Variants in ZNF821 observed in about 807,000 individuals in gnomAD.
The protein encoded by ZNF821 is zinc finger protein 821.
In ZNF821, 16 loss-of-function variants were observed where a neutral mutation model predicts 44.3. The ratio of observed to expected loss-of-function variants is 0.36; its 90% CI spans 0.24 to 0.55. ZNF821 has a LOEUF of 0.55. Among genes scored for constraint, ZNF821 ranks in the 20% least tolerant of loss-of-function variants. ZNF821 has a pLI of 0.86. For synonymous variants in ZNF821, 204 were observed against 197.6 expected, an observed-to-expected ratio of 1.03 and a Z score of -0.27; for missense variants, 436 against 547.6, an observed-to-expected ratio of 0.80 and a Z score of 2.03.
chr16:71,871,550 T>G (rs1266166042), intron 3 of ZNF821, among the ~76,000 whole-genome samples: 1 of 152,246 alleles, frequency 6.6e-6, no homozygotes, highest in African/African-American at 2.4e-5. Context: ...TAATGTGATC[T>G]ATGGAGATAC....
At chr16:71,884,297 G>A (rs1158255470), upstream of ZNF821, 5 of 152,038 alleles carry the variant, frequency 3.3e-5, no homozygotes, top group African/African-American at 1.2e-4. Flanking sequence ...CCTGAGGAGA[G>A]GGGCTCTGGA....
chr16:71,862,338 G>T (rs8045275), intron 6 of ZNF821, among the ~76,000 whole-genome samples: 1 of 152,140 alleles, frequency 6.6e-6, no homozygotes, highest in Admixed American at 6.5e-5. Context: ...AGCCTGGTGT[G>T]GGGGCAGGTG....
intron 3 of ZNF821, among the ~76,000 whole-genome samples, chr16:71,868,566 G>A (rs2034814545): frequency 6.6e-6 from 1 of 152,120 alleles, no homozygotes; most frequent in South Asian, 2.1e-4. Context: ...ACGTACCCTG[G>A]AAGTTCTTCC....
At position 71,860,516 on chromosome 16, in the gene ZNF821, C is replaced by G. The variant is rs1412949381; in HGVS notation, c.741G>C (p.Leu247=). ...GTACACTGGGAGTCTGGGCTTCCAGCAGTTTACGGTAGGCAGCACAGTTGT... is the reference window on the plus strand; with the variant it reads ...GTACACTGGGAGTCTGGGCTTCCAGGAGTTTACGGTAGGCAGCACAGTTGT... ...VCNNCAAYRK[L]LEAQTPSVRK... The change falls in exon 8 of 8, where the codon CTG becomes CTC. Residue 247 remains leucine, a synonymous_variant. Transcript: ENST00000425432. This position sits in a 1 kb window ranked among gnomAD's most constrained non-coding sequence, Gnocchi z 7.3. 6.2e-7 allele frequency: 1 copy of G among 1,614,172 alleles called. No individual in the cohort carries two copies.
upstream of ZNF821, among the ~76,000 whole-genome samples, chr16:71,888,985 G>A (rs921526845): frequency 3.9e-5 from 6 of 152,204 alleles, no homozygotes; most frequent in Admixed American, 1.3e-4. Flanking sequence ...CGGGCCAAGC[G>A]AGGTGGCTCA....
intron 3 of ZNF821, among the ~76,000 whole-genome samples, chr16:71,872,575 T>C (rs1442762878): frequency 1.3e-5 from 2 of 151,930 alleles, no homozygotes; most frequent in East Asian, 1.9e-4. Context: ...ATCACGCCAC[T>C]GCACTCCAGC....
chr16:71,872,439 C>T lies in ZNF821; in HGVS notation c.41-4402G>A, dbSNP rs961322636. On this transcript the variant is annotated intron_variant, in intron 3 of 7. Transcript: ENST00000425432. ...CCATCCTGGCTAACACAGTGAAACC[C>T]CGTCTCTACTAAAAATACAAAAACA... 2.0e-5 allele frequency among the ~76,000 whole-genome samples: 3 copies of T among 151,994 alleles called. No individual in the cohort carries two copies. In the East Asian group the frequency reaches 5.9e-4, roughly 30 times the overall value.
chr16:71,864,804 C>T (rs563826894), intron 5 of ZNF821, 99 bp downstream of exon 5: 4 of 1,484,596 alleles, frequency 2.7e-6, no homozygotes, highest in Non-Finnish European at 3.7e-6. Flanking sequence ...GCCCAGGAGA[C>T]CATCAGAGGC....
chr16:71,874,523 G>A (rs779410780), intron 3 of ZNF821, among the ~76,000 whole-genome samples: 12 of 151,898 alleles, frequency 7.9e-5, no homozygotes, highest in African/African-American at 2.9e-4. Flanking sequence ...GCGTGATCTC[G>A]GCTCACTGCA....
Position 71,860,665 on chromosome 16 carries a change from G to C in ZNF821, c.592C>G (p.Leu198Val). ...TSHATFNSEK[L>V]PEVLNMESLP... ...GATTCCATATTTAGTACTTCAGGAA[G>C]TTTCTCACTGGAAAGGAAACATTTT... Residue 198 changes from leucine to valine, a missense_variant, in exon 8 of 8, where the codon CTT (leucine) becomes GTT (valine). Leu to Val is a conservative substitution (Grantham distance 32). Around this residue, in one of 5 missense-constraint regions of ZNF821, gnomAD observed 238 missense variants for 281.4 expected, o/e 0.85. Transcript: ENST00000425432. The surrounding 1 kb of genome is among the most constrained non-coding windows in gnomAD (Gnocchi z 7.3). 2 of 1,611,512 alleles carry C rather than the reference G, an allele frequency of 1.2e-6. No individual in the cohort carries two copies. The highest frequency in any genetic ancestry group is 1.7e-6 in the Non-Finnish European group (2 of 1,178,574).
chr16:71,892,546 G>A (rs2036893479), intron 1 of ZNF821, among the ~76,000 whole-genome samples: 1 of 151,002 alleles, frequency 6.6e-6, no homozygotes. Context: ...GCGATTACAG[G>A]TGTGAACCAC....
At chr16:71,889,230 A>G (rs2036873577), upstream of ZNF821, among the ~76,000 whole-genome samples, 1 of 152,150 alleles carries the variant, frequency 6.6e-6, no homozygotes, top group Admixed American at 6.5e-5. Flanking sequence ...GAGTGAAACC[A>G]TGTCTTAAAA....
At chr16:71,878,977 C>T (rs2036148211) in intron 3 of ZNF821, among the ~76,000 whole-genome samples, 1 of 150,988 alleles carries the variant, frequency 6.6e-6, no homozygotes, top group African/African-American at 2.4e-5. Context: ...TTGAAAACAA[C>T]ACAAGGTAAT....
At position 71,865,493 on chromosome 16, in the gene ZNF821, C is replaced by T. The variant is rs113374468; in HGVS notation, c.167-445G>A. Among the ~76,000 whole-genome samples the T allele has an allele frequency of 4.9e-4, 74 of 152,312 alleles. 1 individual carries two copies. Among genetic ancestry groups the T allele is most frequent in the African/African-American group, 1.6e-3 (68 of 41,566 alleles). On this transcript the variant is annotated intron_variant, in intron 4 of 7. Transcript: ENST00000425432. ...CACTATACTATTCTACTCTGAACCC[C>T]ACTAATCTCTTCTTTCCCAGCAAAC...
At chr16:71,894,963 G>C (rs2036932447) in exon 1 of ZNF821, 1 of 845,868 alleles carries the variant, frequency 1.2e-6, no homozygotes, top group Admixed American at 2.2e-5. Flanking sequence ...ACAGACCGGA[G>C]CGATGCTGGT....
At chr16:71,867,866 T>G in intron 4 of ZNF821, 46 bp downstream of exon 4, 1 of 1,529,212 alleles carries the variant, frequency 6.5e-7, no homozygotes, top group Non-Finnish European at 8.8e-7. Flanking sequence ...CTCTGATAAT[T>G]CTTCTCCCAT....
In ZNF821 at chr16:71,879,948, T is replaced by A; in HGVS notation, c.-2A>T. The A allele has an allele frequency of 6.2e-7, 1 of 1,613,490 alleles. No homozygotes were observed. The highest frequency in any genetic ancestry group is 2.2e-5 in the East Asian group (1 of 44,836). On this transcript the variant is annotated 5_prime_UTR_variant, in exon 3 of 8. Coordinates refer to ENST00000425432, the MANE Select transcript of ZNF821 (RefSeq NM_001201552.2). Reference sequence around the variant, plus strand: ...ATTTGTCTGTTTCCGACGGGACATGTTTCCCTGATGCAAGAGCTCTGGTCT... The same window carrying A: ...ATTTGTCTGTTTCCGACGGGACATGATTCCCTGATGCAAGAGCTCTGGTCT...
intron 6 of ZNF821, among the ~76,000 whole-genome samples, chr16:71,863,418 T>TA (rs2034151686): frequency 6.9e-6 from 1 of 144,746 alleles, no homozygotes; most frequent in South Asian, 2.6e-4. Flanking sequence ...TTTTTTTTTT[T>TA]TTTAATACAG....
At chr16:71,863,105 AG>A (rs2034103378) in intron 6 of ZNF821, among the ~76,000 whole-genome samples, 1 of 152,078 alleles carries the variant, frequency 6.6e-6, no homozygotes, top group Non-Finnish European at 1.5e-5. Context: ...CATGTTGGCC[AG>A]GCTGGTCTCA....
Sources: allele counts gnomAD v4.1 joint callset (sites outside exome capture counted in the v4.1 genomes callset), GRCh38; gene constraint gnomAD v4.1.1; regional missense constraint gnomAD v4.1.1; non-coding constraint Gnocchi (gnomAD v3.1); transcripts MANE v1.5; gene names NCBI Gene and HGNC (gene_info 2026-07-23, HGNC 2026-07-21).